Variants in RNMT observed in about 807,000 individuals in gnomAD.
The protein encoded by RNMT is mRNA cap guanine-N(7) methyltransferase.
In RNMT, 27 loss-of-function variants were observed where a neutral mutation model predicts 56.0. That is an observed-to-expected ratio of 0.48 (90% CI 0.36 to 0.67). RNMT has a LOEUF of 0.67. Among genes scored for constraint, RNMT ranks in the 30% least tolerant of loss-of-function variants. RNMT has a pLI of 0.00. For synonymous variants in RNMT, 184 were observed against 176.2 expected (o/e 1.04, Z -0.35); for missense variants, 519 against 552.1 (o/e 0.94, Z 0.60).
intron 4 of RNMT, among the ~76,000 whole-genome samples, chr18:13,735,809 C>A (rs1265225639): frequency 6.6e-6 from 1 of 151,916 alleles, no homozygotes; most frequent in African/African-American, 2.4e-5. Flanking sequence ...ACAGGGTATT[C>A]TTTCCTTTTT....
chr18:13,759,679 G>C (rs1018941816), intron 11 of RNMT, among the ~76,000 whole-genome samples: 14 of 151,202 alleles, frequency 9.3e-5, no homozygotes, highest in Non-Finnish European at 2.1e-4. Flanking sequence ...CTGATTTTTA[G>C]AGCTGTTGAA....
Position 13,762,034 on chromosome 18 carries a change from T to C in RNMT, c.*2055T>C, listed in dbSNP as rs766295064. ...TGTCGTCTAAATGTTCGGTATTCTA[T>C]TCAGGACTTACGGTAACTATTATGA... is the stretch of plus-strand genomic sequence containing the variant. On this transcript the variant is annotated 3_prime_UTR_variant, in exon 12 of 12. Coordinates refer to ENST00000383314, the MANE Select transcript of RNMT (RefSeq NM_003799.3). 6.5e-7 allele frequency: 1 copy of C among 1,536,122 alleles called. No individual in the cohort carries two copies. The highest frequency in any genetic ancestry group is 8.7e-7 in the Non-Finnish European group (1 of 1,146,880).
At chr18:13,748,562 C>CT (rs2044388092) in intron 9 of RNMT, among the ~76,000 whole-genome samples, 3 of 152,130 alleles carry the variant, frequency 2.0e-5, no homozygotes, top group Admixed American at 2.0e-4. Flanking sequence ...CCCAAAAAGT[C>CT]TTTTCCTGAA....
chr18:13,738,031 G>A (rs2044193532), intron 5 of RNMT, among the ~76,000 whole-genome samples: 1 of 152,010 alleles, frequency 6.6e-6, no homozygotes, highest in Non-Finnish European at 1.5e-5. Context: ...CCTTAGCCCG[G>A]TGGTTAGTCT....
chr18:13,732,946 A>G (rs746039837), intron 3 of RNMT, among the ~76,000 whole-genome samples: 7 of 151,750 alleles, frequency 4.6e-5, no homozygotes, highest in Non-Finnish European at 8.8e-5. Flanking sequence ...GTTTTTTAGT[A>G]CAGATGGGAT....
rs142483332 is a variant in RNMT at position 13,738,983 on chromosome 18, T to C, written c.680-1184T>C. ...CTTGCCTGCCACTCACCTCCTGCTG[T>C]GCAGCCTGGTTCCTAACAGGCCGTG... On this transcript the variant is annotated intron_variant, in intron 5 of 11. Transcript: ENST00000383314. Among the ~76,000 whole-genome samples, 899 of 152,310 alleles carry C rather than the reference T, an allele frequency of 5.9e-3. 28 individuals carry two copies. The highest frequency in any genetic ancestry group is 0.056 in the Admixed American group (856 of 15,298).
intron 1 of RNMT, among the ~76,000 whole-genome samples, chr18:13,729,345 C>T (rs1351394944): frequency 6.6e-6 from 1 of 152,162 alleles, no homozygotes; most frequent in African/African-American, 2.4e-5. Flanking sequence ...TTTATTATGT[C>T]ACATCTGTGA....
At chr18:13,755,602 T>C (rs1216536406) in intron 11 of RNMT, among the ~76,000 whole-genome samples, 1 of 151,632 alleles carries the variant, frequency 6.6e-6, no homozygotes, top group African/African-American at 2.4e-5. Flanking sequence ...AGGAAAGGAG[T>C]CAAGCAAGAC....
chr18:13,728,940 T>C (rs1568495436), intron 1 of RNMT, among the ~76,000 whole-genome samples: 1 of 152,192 alleles, frequency 6.6e-6, no homozygotes, highest in African/African-American at 2.4e-5. Context: ...ATCTCTTCAC[T>C]CTTGTTTCCT....
In RNMT at chr18:13,762,839, T is replaced by G; in HGVS notation, c.*2860T>G. ...GCCATTATGTCATTTTGATTTGTAT[T>G]CAAGTACTCTTCAAGTATCTTTGTA... On this transcript the variant is annotated 3_prime_UTR_variant, in exon 12 of 12. Coordinates refer to ENST00000383314, the MANE Select transcript of RNMT (RefSeq NM_003799.3). 1.7e-5 allele frequency: 5 copies of G among 297,816 alleles called. No homozygotes were observed. Among genetic ancestry groups the G allele is most frequent in the Non-Finnish European group, 3.4e-5 (5 of 147,844 alleles). 18.4% of individuals were successfully genotyped at this position (297,816 alleles called of 1,614,324 possible).
Position 13,742,618 on chromosome 18 carries a change from C to T in RNMT, c.1105C>T (p.Pro369Ser), listed in dbSNP as rs1260534692. 1.9e-6 allele frequency: 3 copies of T among 1,613,122 alleles called. No homozygotes were observed. The highest frequency in any genetic ancestry group is 2.2e-5 in the South Asian group (2 of 90,920). ...CAACTTGGAAGGTGTTGTGGATGTT[C>T]CTGAATTCTTGGTCTATTTTCCATT... ...DFNLEGVVDV[P>S]EFLVYFPLLN... The change falls in exon 8 of 12, where the codon CCT becomes TCT. Residue 369 changes from proline (P) to serine (S), a missense_variant. Transcript: ENST00000383314.
rs1463792586 is a variant in RNMT at position 13,764,356 on chromosome 18, T to C, written c.*4377T>C. ...TAACTACCTCTCCAAGGGAAACCAC[T>C]ATCCTGAGTTCTAAGCGCATAGATT... On this transcript the variant is annotated 3_prime_UTR_variant, in exon 12 of 12. Transcript: ENST00000383314. The C allele has an allele frequency of 6.6e-6, 1 of 152,214 alleles. No individual in the cohort carries two copies. Among genetic ancestry groups the C allele is most frequent in the African/African-American group, 2.4e-5 (1 of 41,456 alleles). The allele number at this position is 152,214 out of a possible 1,614,324, so 9.4% of individuals were successfully genotyped here.
intron 9 of RNMT, among the ~76,000 whole-genome samples, 162 bp downstream of exon 9, chr18:13,746,499 T>G (rs957721610): frequency 2.0e-5 from 3 of 152,218 alleles, no homozygotes; most frequent in African/African-American, 7.2e-5. Flanking sequence ...GAGTGCTCAG[T>G]AAATACTTGA....
rs61730998 is a variant in RNMT at position 13,731,545 on chromosome 18, T to C, written c.28T>C (p.Tyr10His). MANSAKAEE[Y>H]EKMSLEQAKA... ...GGCAAATTCTGCAAAAGCAGAAGAA[T>C]ATGAAAAGATGTCTCTTGAACAGGC... Residue 10 changes from tyrosine to histidine, a missense_variant, in exon 3 of 12, where the codon TAT becomes CAT. Transcript: ENST00000383314. 7.0e-4 allele frequency: 1,116 copies of C among 1,598,112 alleles called. 2 individuals carry two copies. The African/African-American group carries it at 0.014, about 20-fold the overall frequency.
intron 11 of RNMT, among the ~76,000 whole-genome samples, chr18:13,755,865 ATAT>A (rs570880358): frequency 1.1e-3 from 167 of 152,260 alleles, no homozygotes; most frequent in African/African-American, 3.9e-3. Flanking sequence ...CTGTATTTTT[ATAT>A]TATTAAGTGT....
chr18:13,743,880 A>G (rs1388907734), intron 8 of RNMT, among the ~76,000 whole-genome samples: 1 of 152,000 alleles, frequency 6.6e-6, no homozygotes, highest in Non-Finnish European at 1.5e-5. Context: ...TTGTGACTGA[A>G]CATGAGGAAA....
Position 13,761,869 on chromosome 18 carries a change from C to CCCG in RNMT, c.*1890_*1891insCCG. 8.3e-7 allele frequency: 1 copy of CCCG among 1,211,000 alleles called. No homozygotes were observed. The highest frequency in any genetic ancestry group is 1.0e-6 in the Non-Finnish European group (1 of 969,958). 75.0% of individuals were successfully genotyped at this position (1,211,000 alleles called of 1,614,324 possible). On this transcript the variant is annotated 3_prime_UTR_variant, in exon 12 of 12. Transcript: ENST00000383314. ...CCCCCCTCCCCCCGGCCCCAAGCCC[C>CCCG]TGTGTCTCCTTGTTACAATTAAGTT...
Position 13,752,379 on chromosome 18 carries a change from T to A in RNMT, c.1311T>A (p.Tyr437Ter). ...TTGTCTCTGAGAAGGTGGATGACTA[T>A]GAACATGCAGCAAAGTACATGAAGA... ...SKLVSEKVDD[Y>*]EHAAKYMKNS... Residue 437 changes from tyrosine to a stop codon, truncating the protein, a stop_gained, in exon 10 of 12, where the codon TAT becomes TAA. Transcript: ENST00000383314. LOFTEE classifies it high-confidence loss of function. 6.2e-7 allele frequency: 1 copy of A among 1,613,436 alleles called. No homozygotes were observed. Among genetic ancestry groups the A allele is most frequent in the Admixed American group, 1.7e-5 (1 of 60,020 alleles).
chr18:13,752,526 G>A (rs1187199832), intron 10 of RNMT, 99 bp downstream of exon 10: 1 of 713,460 alleles, frequency 1.4e-6, no homozygotes, highest in Non-Finnish European at 2.3e-6. Flanking sequence ...CAATACTTAG[G>A]CTCACTGACT....
Sources: gnomAD v4.1 joint callset for allele counts (sites outside exome capture counted in the v4.1 genomes callset) on GRCh38, gnomAD v4.1.1 for gene constraint, MANE v1.5 for transcripts, NCBI Gene and HGNC (gene_info 2026-07-23, HGNC 2026-07-21) for gene names.